APC2: variants seen among roughly 807,000 people sequenced by gnomAD.
APC2 encodes adenomatous polyposis coli protein 2.
APC2 carries 41 observed loss-of-function variants against 72.5 expected under a neutral mutation model. That is an observed-to-expected ratio of 0.57 (90% confidence interval 0.44 to 0.73). The LOEUF (loss-of-function observed/expected upper bound fraction) is 0.73, where lower values mean the gene tolerates loss of function less well. APC2 is among the 30% of genes least tolerant of loss of function. The pLI is 0.00. For missense variants in APC2, 3,729 were observed against 3,403.4 expected, an observed-to-expected ratio of 1.10 and a Z score of -2.38; for synonymous variants, 1,898 against 1,612.0, an observed-to-expected ratio of 1.18 and a Z score of -4.25.
At position 1,466,896 on chromosome 19, in the gene APC2, C is replaced by T. The variant is rs1381048980; in HGVS notation, c.3595C>T (p.Pro1199Ser). The change falls in exon 15 of 15, where the codon CCC (proline) becomes TCC (serine). Residue 1199 changes from proline to serine, a missense_variant. Coordinates refer to ENST00000590469, the MANE Select transcript of APC2 (RefSeq NM_005883.3). Reference sequence around the variant, plus strand: ...CGGCACCATCAGCCCTAGCGAGCTGCCCGACAGCCCCGGACAGACCATGCC... The same window carrying T: ...CGGCACCATCAGCCCTAGCGAGCTGTCCGACAGCCCCGGACAGACCATGCC... ...GSGTISPSEL[P>S]DSPGQTMPPS... The T allele has an allele frequency of 1.3e-6, 2 of 1,577,048 alleles. No individual in the cohort carries two copies. The highest frequency in any genetic ancestry group is 1.7e-6 in the Non-Finnish European group (2 of 1,162,314).
At chr19:1,454,784 G>T (rs1419483088) in intron 4 of APC2, among the ~76,000 whole-genome samples, 1 of 152,022 alleles carries the variant, frequency 6.6e-6, no homozygotes, top group Non-Finnish European at 1.5e-5. Context: ...AGCCAGGATG[G>T]TCTCGATCTC....
rs771447434 is a variant in APC2, at chr19:1,453,545, C to A, written c.347C>A (p.Ser116Tyr). The A allele has an allele frequency of 5.6e-6, 9 of 1,611,652 alleles. No individual in the cohort carries two copies. The highest frequency in any genetic ancestry group is 7.6e-6 in the Non-Finnish European group (9 of 1,179,546). Residue 116 changes from serine to tyrosine, a missense_variant, in exon 4 of 15, where the codon TCC becomes TAC. Physicochemically the swap from Ser to Tyr is moderately radical, Grantham distance 144 (BLOSUM62 -2). Coordinates refer to ENST00000590469, the MANE Select transcript of APC2 (RefSeq NM_005883.3). ...EGSPVHGSGP[S>Y]KDSFGELSRA... ...AGCCCAGTACACGGCTCCGGGCCCT[C>A]CAAGGACAGCTTTGGGGAGCTGAGC...
At chr19:1,458,706 A>G (rs1380541237) in intron 10 of APC2, 1 of 152,190 alleles carries the variant, frequency 6.6e-6, no homozygotes, top group Non-Finnish European at 1.5e-5. Context: ...CCTGTCTCAA[A>G]AAGAAAAGTC....
rs2084095318 is a variant in APC2 at position 1,469,565 on chromosome 19, G to T, written c.6264G>T (p.Ala2088=). 1.6e-6 allele frequency: 2 copies of T among 1,236,042 alleles called. No individual in the cohort carries two copies. Among genetic ancestry groups the T allele is most frequent in the Admixed American group, 3.1e-5 (1 of 32,098 alleles). 76.6% of individuals were successfully genotyped at this position (1,236,042 alleles called of 1,614,324 possible). A position where few individuals can be genotyped will look rare whatever the true frequency, so the allele number is the denominator to read the frequency against. Residue 2088 remains alanine (A), a synonymous_variant, in exon 15 of 15, where the codon GCG becomes GCT. Transcript: ENST00000590469. ...SESPSRLPVR[A]PAARPETVKR... is the part of the protein sequence containing the mutation. The stretch of plus-strand genomic sequence containing the variant: ...GCCCGTCCCGCCTGCCTGTGCGCGC[G>T]CCCGCCGCCCGGCCGGAGACTGTCA...
rs895459171 is a variant in APC2, at chr19:1,469,522, G to A, written c.6221G>A (p.Arg2074Gln). 3.9e-5 allele frequency: 45 copies of A among 1,162,740 alleles called. No individual in the cohort carries two copies. The Middle Eastern group carries it at 1.1e-3, about 29-fold the overall frequency. The allele number at this position is 1,162,740 out of a possible 1,614,324, so 72.0% of individuals were successfully genotyped here. A position where few individuals can be genotyped will look rare whatever the true frequency, so the allele number is the denominator to read the frequency against. The change falls in exon 15 of 15, where the codon CGG (arginine) becomes CAG (glutamine). Residue 2074 changes from arginine to glutamine, a missense_variant. Arg to Gln is a conservative substitution (Grantham distance 43). Transcript: ENST00000590469. The stretch of plus-strand genomic sequence containing the variant: ...CCCAGCCCTGGCGAGCGCCCTGCCC[G>A]GCGCACCACCTCCGAGAGCCCGTCC... ...ARPSPGERPA[R>Q]RTTSESPSRL...
rs758682433 is a variant in APC2, at chr19:1,465,274, G to C, written c.1973G>C (p.Arg658Pro). The C allele has an allele frequency of 6.2e-7, 1 of 1,605,726 alleles. No homozygotes were observed. The highest frequency in any genetic ancestry group is 8.5e-7 in the Non-Finnish European group (1 of 1,178,964). ...TLWNLSARSARDQELLWDLGA... is the reference protein window; with the variant it reads ...TLWNLSARSAPDQELLWDLGA... ...TGGAACCTGTCGGCCCGCAGCGCCCGTGACCAGGAGCTGCTGTGGGACCTG... is the reference window on the plus strand; with the variant it reads ...TGGAACCTGTCGGCCCGCAGCGCCCCTGACCAGGAGCTGCTGTGGGACCTG... The change falls in exon 15 of 15, where the codon CGT becomes CCT. Residue 658 changes from arginine to proline, a missense_variant. By Grantham distance (103) the Arg-to-Pro change is moderately radical. Coordinates refer to ENST00000590469, the MANE Select transcript of APC2 (RefSeq NM_005883.3).
chr19:1,455,845 T>G (rs2083814479), intron 6 of APC2, among the ~76,000 whole-genome samples: 1 of 123,096 alleles, frequency 8.1e-6, no homozygotes, highest in Non-Finnish European at 1.7e-5. Context: ...GAGCCTGGGA[T>G]GGACTAAAGG....
In APC2 at chr19:1,453,082, G is replaced by A; in HGVS notation, c.81G>A (p.Gln27=). 1 of 1,609,836 alleles carries A rather than the reference G, an allele frequency of 6.2e-7. No homozygotes were observed. The highest frequency in any genetic ancestry group is 8.5e-7 in the Non-Finnish European group (1 of 1,179,024). The change falls in exon 2 of 15, where the codon CAG becomes CAA. Residue 27 remains glutamine (Q), a synonymous_variant. Transcript: ENST00000590469. ...AGGCTGAGAACAGCCACCTGAGGCA[G>A]GAGCTAAGGGACAACTCCAGCCACC... ...ALKAENSHLR[Q]ELRDNSSHLS... is the part of the protein sequence containing the mutation.
At position 1,468,596 on chromosome 19, in the gene APC2, C is replaced by G. The variant is rs1348885535; in HGVS notation, c.5295C>G (p.Pro1765=). 6.2e-7 allele frequency: 1 copy of G among 1,600,894 alleles called. No individual in the cohort carries two copies. The change falls in exon 15 of 15, where the codon CCC becomes CCG. Residue 1765 remains proline, a synonymous_variant. Coordinates refer to ENST00000590469, the MANE Select transcript of APC2 (RefSeq NM_005883.3). ...GAASVKTSGS[P]RSPAGPEKPR... ...CCTCAGTCAAGACCAGCGGGAGCCC[C>G]CGTTCCCCTGCAGGCCCCGAGAAGC...
At position 1,457,104 on chromosome 19, in the gene APC2, C is replaced by G; in HGVS notation, c.1068C>G (p.Phe356Leu). 1 of 1,582,194 alleles carries G rather than the reference C, an allele frequency of 6.3e-7. No individual in the cohort carries two copies. The highest frequency in any genetic ancestry group is 8.6e-7 in the Non-Finnish European group (1 of 1,168,320). The change falls in exon 9 of 15, where the codon TTC becomes TTG. Residue 356 changes from phenylalanine (F) to leucine (L), a missense_variant. Physicochemically the swap from Phe to Leu is conservative, Grantham distance 22. Transcript: ENST00000590469. ...RANAALHNIV[F>L]SQPDQGLARK... ...ACGCGGCGCTGCACAACATCGTCTTCTCGCAGCCGGACCAGGGCCTGGCGC... is the reference window on the plus strand; with the variant it reads ...ACGCGGCGCTGCACAACATCGTCTTGTCGCAGCCGGACCAGGGCCTGGCGC...
At chr19:1,458,454 C>T (rs542587444) in intron 10 of APC2, 5 of 186,206 alleles carry the variant, frequency 2.7e-5, no homozygotes, top group Middle Eastern at 4.6e-3. Flanking sequence ...TAATTGAGGC[C>T]GGGCGAGGCT....
chr19:1,467,864 C>A lies in APC2; in HGVS notation c.4563C>A (p.Ala1521=). Residue 1521 remains alanine, a synonymous_variant, in exon 15 of 15, where the codon GCC becomes GCA. Coordinates refer to ENST00000590469, the MANE Select transcript of APC2 (RefSeq NM_005883.3). ...GNDSDEEPPA[A]APTPTHRRTS... is the part of the protein sequence containing the mutation. ...ACTCGGACGAGGAGCCCCCGGCGGC[C>A]GCGCCCACGCCAACCCACCGGCGCA... is the stretch of plus-strand genomic sequence containing the variant. 6.4e-7 allele frequency: 1 copy of A among 1,556,044 alleles called. No individual in the cohort carries two copies. The highest frequency in any genetic ancestry group is 1.4e-5 in the African/African-American group (1 of 71,794).
At position 1,469,587 on chromosome 19, in the gene APC2, G is replaced by A; in HGVS notation, c.6286G>A (p.Val2096Ile). 7.9e-7 allele frequency: 1 copy of A among 1,260,232 alleles called. No individual in the cohort carries two copies. The highest frequency in any genetic ancestry group is 1.0e-6 in the Non-Finnish European group (1 of 990,734). 78.1% of individuals were successfully genotyped at this position (1,260,232 alleles called of 1,614,324 possible). A position where few individuals can be genotyped will look rare whatever the true frequency, so the allele number is the denominator to read the frequency against. Reference protein sequence around the residue: ...VRAPAARPETVKRYASLPHIS... With the variant: ...VRAPAARPETIKRYASLPHIS... ...CGCGCCCGCCGCCCGGCCGGAGACT[G>A]TCAAGCGCTACGCGTCGCTGCCGCA... The change falls in exon 15 of 15, where the codon GTC (valine) becomes ATC (isoleucine). Residue 2096 changes from valine (V) to isoleucine (I), a missense_variant. Physicochemically the swap from Val to Ile is conservative, Grantham distance 29. Coordinates refer to ENST00000590469, the MANE Select transcript of APC2 (RefSeq NM_005883.3).
chr19:1,468,445 A>G lies in APC2; in HGVS notation c.5144A>G (p.Asp1715Gly), dbSNP rs942179674. ...AATREASSES[D>G]SILSFVSGLS... is the part of the protein sequence containing the mutation. ...ACGCGGGAGGCCTCGTCCGAGTCCG[A>G]CTCCATCCTGTCCTTCGTATCCGGG... Residue 1715 changes from aspartate (D) to glycine (G), a missense_variant, in exon 15 of 15, where the codon GAC (aspartate) becomes GGC (glycine). Transcript: ENST00000590469. The G allele has an allele frequency of 6.3e-7, 1 of 1,594,856 alleles. No homozygotes were observed. Among genetic ancestry groups the G allele is most frequent in the African/African-American group, 1.3e-5 (1 of 74,550 alleles).
chr19:1,448,157 G>C (rs774280348), upstream of APC2, among the ~76,000 whole-genome samples: 24 of 151,988 alleles, frequency 1.6e-4, no homozygotes, highest in Non-Finnish European at 3.1e-4. Context: ...GGCTTGACCT[G>C]TCAAACCCCA....
Position 1,466,266 on chromosome 19 carries a change from C to T in APC2, c.2965C>T (p.Arg989Cys), listed in dbSNP as rs558896411. 7 of 1,526,480 alleles carry T rather than the reference C, an allele frequency of 4.6e-6. No individual in the cohort carries two copies. The highest frequency in any genetic ancestry group is 4.1e-5 in the African/African-American group (3 of 72,418). The allele number at this position is 1,526,480 out of a possible 1,614,324, so 94.6% of individuals were successfully genotyped here. The change falls in exon 15 of 15, where the codon CGC (arginine) becomes TGC (cysteine). Residue 989 changes from arginine to cysteine, a missense_variant. Transcript: ENST00000590469. ...PAREATSADA[R>C]VRTIKLSPTY... Reference sequence around the variant, plus strand: ...CCGCGAGGCCACCTCCGCCGACGCCCGCGTGCGCACCATCAAGCTGTCGCC... The same window carrying T: ...CCGCGAGGCCACCTCCGCCGACGCCTGCGTGCGCACCATCAAGCTGTCGCC...
At position 1,467,944 on chromosome 19, in the gene APC2, C is replaced by T. The variant is rs1315171023; in HGVS notation, c.4643C>T (p.Ala1548Val). Residue 1548 changes from alanine (A) to valine (V), a missense_variant, in exon 15 of 15, where the codon GCC becomes GTC. Ala to Val is a moderately conservative substitution (Grantham distance 64). Coordinates refer to ENST00000590469, the MANE Select transcript of APC2 (RefSeq NM_005883.3). ...TRERPQGRKE[A>V]PAPSKAAPAA... ...GAGCGTCCGCAGGGCCGGAAGGAGGCCCCTGCCCCGTCCAAGGCTGCACCA... is the reference window on the plus strand; with the variant it reads ...GAGCGTCCGCAGGGCCGGAAGGAGGTCCCTGCCCCGTCCAAGGCTGCACCA... 15 of 1,586,636 alleles carry T rather than the reference C, an allele frequency of 9.5e-6. No homozygotes were observed. The highest frequency in any genetic ancestry group is 4.6e-5 in the East Asian group (2 of 43,552).
chr19:1,447,199 G>T (rs892752065), upstream of APC2, among the ~76,000 whole-genome samples: 1 of 152,234 alleles, frequency 6.6e-6, no homozygotes, highest in Non-Finnish European at 1.5e-5. Context: ...GCGGCGGGCC[G>T]TCTCTATCCT....
intron 14 of APC2, among the ~76,000 whole-genome samples, chr19:1,462,527 C>G (rs1309649774): frequency 6.6e-6 from 1 of 151,352 alleles, no homozygotes; most frequent in Non-Finnish European, 1.5e-5. Flanking sequence ...TGGTGGCGGG[C>G]ACCTGTAATC....
Sources: allele counts gnomAD v4.1 joint callset (sites outside exome capture counted in the v4.1 genomes callset), GRCh38; gene constraint gnomAD v4.1.1; transcripts MANE v1.5; gene names NCBI Gene and HGNC (gene_info 2026-07-23, HGNC 2026-07-21).